COLQ: variants seen among roughly 807,000 people sequenced by gnomAD.
COLQ encodes the protein acetylcholinesterase collagenic tail peptide.
Under a neutral mutation model 69.0 loss-of-function variants are expected in COLQ, and 48 were observed. The observed-to-expected ratio is 0.70, with a 90% CI of 0.55 to 0.88. COLQ has a LOEUF of 0.88. COLQ is among the 40% of genes least tolerant of loss of function. COLQ has a pLI of 0.00. For missense variants in COLQ, 618 were observed against 594.6 expected (o/e 1.04, Z -0.41); for synonymous variants, 217 against 211.2 (o/e 1.03, Z -0.24).
chr3:15,475,194 T>C, intron 7 of COLQ: 1 of 650,510 alleles, frequency 1.5e-6, no homozygotes, highest in Non-Finnish European at 2.7e-6. Flanking sequence ...TCTGCTCTGA[T>C]GTCCAGAAGC....
At chr3:15,518,772 C>T (rs1231092954) in intron 1 of COLQ, among the ~76,000 whole-genome samples, 1 of 152,202 alleles carries the variant, frequency 6.6e-6, no homozygotes, top group African/African-American at 2.4e-5. Flanking sequence ...GTTTCAAAAG[C>T]AGGTGATCAT....
chr3:15,451,735 T>C, intron 16 of COLQ, 22 bp from the exon 17 acceptor site: 9 of 1,606,992 alleles, frequency 5.6e-6, no homozygotes, highest in Non-Finnish European at 7.7e-6. Context: ...AAAGACACGT[T>C]CTAAAAGGCC....
At chr3:15,494,042 C>G (rs2062709946) in intron 1 of COLQ, among the ~76,000 whole-genome samples, 1 of 152,232 alleles carries the variant, frequency 6.6e-6, no homozygotes, top group Non-Finnish European at 1.5e-5. Context: ...GAGATTGTGC[C>G]ATTGCACTGA....
At chr3:15,457,659 C>T (rs2062044905) in intron 13 of COLQ, among the ~76,000 whole-genome samples, 1 of 151,008 alleles carries the variant, frequency 6.6e-6, no homozygotes, top group Admixed American at 6.6e-5. Flanking sequence ...GTTGCCCAGG[C>T]TGGAGTGCAG....
At chr3:15,485,785 C>G (rs1464206604) in intron 3 of COLQ, among the ~76,000 whole-genome samples, 1 of 152,134 alleles carries the variant, frequency 6.6e-6, no homozygotes, top group Non-Finnish European at 1.5e-5. Context: ...TGTTGAGACC[C>G]TGTCTCTACA....
At chr3:15,504,238 G>A (rs1281074606) in intron 1 of COLQ, among the ~76,000 whole-genome samples, 1 of 152,208 alleles carries the variant, frequency 6.6e-6, no homozygotes, top group African/African-American at 2.4e-5. Context: ...TGCGGTTCGT[G>A]TATTGGTTTT....
chr3:15,504,230 C>A (rs116436077), intron 1 of COLQ, among the ~76,000 whole-genome samples: 1 of 152,158 alleles, frequency 6.6e-6, no homozygotes, highest in Non-Finnish European at 1.5e-5. Flanking sequence ...AGAATCGCTG[C>A]GGTTCGTGTA....
chr3:15,499,007 A>G lies in COLQ; in HGVS notation c.107-9370T>C, dbSNP rs2062793635. 10 of 1,051,266 alleles carry G rather than the reference A, an allele frequency of 9.5e-6. No homozygotes were observed. In the South Asian group the frequency reaches 2.8e-4, roughly 30 times the overall value. 65.1% of individuals were successfully genotyped at this position (1,051,266 alleles called of 1,614,324 possible). A position where few individuals can be genotyped will look rare whatever the true frequency, so the allele number is the denominator to read the frequency against. On this transcript the variant is annotated intron_variant, in intron 1 of 16. Transcript: ENST00000383788. The stretch of plus-strand genomic sequence containing the variant: ...CACAGCAGTATTGACTGCTCTGGTA[A>G]GCCTCAAAGTCAACCCCCCACCGAG...
intron 1 of COLQ, among the ~76,000 whole-genome samples, chr3:15,505,190 C>T (rs987537270): frequency 2.0e-5 from 3 of 152,166 alleles, no homozygotes; most frequent in Admixed American, 6.5e-5. Flanking sequence ...GGCACCAGTG[C>T]CACCTGGAGG....
chr3:15,491,798 G>A (rs1232372005), intron 1 of COLQ, among the ~76,000 whole-genome samples: 2 of 152,170 alleles, frequency 1.3e-5, no homozygotes, highest in Non-Finnish European at 2.9e-5. Context: ...GGTGGCTCAT[G>A]CCTGTAATCC....
chr3:15,495,538 G>A (rs1314785263), intron 1 of COLQ, among the ~76,000 whole-genome samples: 1 of 152,186 alleles, frequency 6.6e-6, no homozygotes, highest in Non-Finnish European at 1.5e-5. Flanking sequence ...TGATAGTCCT[G>A]TTTTCGTCTG....
At chr3:15,492,908 T>C (rs1008515610) in intron 1 of COLQ, among the ~76,000 whole-genome samples, 2 of 152,128 alleles carry the variant, frequency 1.3e-5, no homozygotes, top group African/African-American at 2.4e-5. Context: ...GTGAAAACTG[T>C]TGGCCTATCC....
At chr3:15,469,010 T>C (rs1230482655) in intron 11 of COLQ, among the ~76,000 whole-genome samples, 2 of 152,204 alleles carry the variant, frequency 1.3e-5, no homozygotes, top group Admixed American at 6.5e-5. Context: ...TGTAAGACTA[T>C]GCTGGGAGAT....
intron 12 of COLQ, among the ~76,000 whole-genome samples, chr3:15,460,783 C>G (rs1238855083): frequency 1.3e-5 from 2 of 152,096 alleles, no homozygotes; most frequent in Non-Finnish European, 2.9e-5. Flanking sequence ...CAGAAGAGCC[C>G]AGAGAGACAG....
chr3:15,454,248 G>A (rs147378166), intron 15 of COLQ, among the ~76,000 whole-genome samples: 9 of 152,262 alleles, frequency 5.9e-5, no homozygotes, highest in Non-Finnish European at 8.8e-5. Flanking sequence ...AAGCCAGTGT[G>A]GGGGTCCCGG....
intron 1 of COLQ, among the ~76,000 whole-genome samples, chr3:15,513,353 C>T (rs990858353): frequency 6.6e-6 from 1 of 152,224 alleles, no homozygotes; most frequent in African/African-American, 2.4e-5. Context: ...ATCAATCCCG[C>T]CCATTCGTCG....
intron 1 of COLQ, among the ~76,000 whole-genome samples, chr3:15,502,160 G>C (rs1386384966): frequency 7.0e-6 from 1 of 143,744 alleles, no homozygotes; most frequent in Non-Finnish European, 1.5e-5. Flanking sequence ...TTGTTGCCTA[G>C]GCTGGAGTGC....
intron 16 of COLQ, among the ~76,000 whole-genome samples, chr3:15,453,060 C>T (rs1007348235): frequency 1.3e-5 from 2 of 152,194 alleles, no homozygotes; most frequent in African/African-American, 4.8e-5. Flanking sequence ...GGAACGGCCT[C>T]CCCATTTTCC....
At chr3:15,506,928 T>C (rs2062919307) in intron 1 of COLQ, 1 of 152,190 alleles carries the variant, frequency 6.6e-6, no homozygotes. Flanking sequence ...TTCTAAGAAA[T>C]TATTCTGTAA....
Sources: allele counts gnomAD v4.1 joint callset (sites outside exome capture counted in the v4.1 genomes callset), GRCh38; gene constraint gnomAD v4.1.1; transcripts MANE v1.5; gene names NCBI Gene and HGNC (gene_info 2026-07-23, HGNC 2026-07-21).